PRKCA: variants seen among roughly 807,000 people sequenced by gnomAD.
PRKCA encodes protein kinase C alpha, also known as protein kinase C alpha type.
Under a neutral mutation model 87.0 loss-of-function variants are expected in PRKCA, and 27 were observed. The observed-to-expected ratio is 0.31, with a 90% confidence interval of 0.23 to 0.43. The LOEUF is 0.43. Among genes scored for constraint, PRKCA ranks in the 20% least tolerant of loss-of-function variants. The probability of loss-of-function intolerance (pLI) is 1.00; values close to 1 mark genes in which losing one functional copy is unlikely to be tolerated. For synonymous variants in PRKCA, 329 were observed against 311.1 expected, an observed-to-expected ratio of 1.06 and a Z score of -0.61; for missense variants, 518 against 852.3, an observed-to-expected ratio of 0.61 and a Z score of 4.88.
intron 2 of PRKCA, among the ~76,000 whole-genome samples, chr17:66,357,340 T>G (rs1412012980): frequency 6.6e-6 from 1 of 152,142 alleles, no homozygotes; most frequent in Admixed American, 6.5e-5. Context: ...TTATACTTTT[T>G]AATGGCAATG....
At chr17:66,700,196 A>G (rs1327926775) in intron 8 of PRKCA, among the ~76,000 whole-genome samples, 2 of 152,258 alleles carry the variant, frequency 1.3e-5, no homozygotes, top group Non-Finnish European at 2.9e-5. Flanking sequence ...AGAACGAAGG[A>G]TAAAAATTGT....
At chr17:66,305,782 T>C (rs1904782104) in intron 1 of PRKCA, among the ~76,000 whole-genome samples, 1 of 152,238 alleles carries the variant, frequency 6.6e-6, no homozygotes, top group African/African-American at 2.4e-5. Context: ...TATTGTGTTG[T>C]AGCCAACAAG....
chr17:66,695,763 C>T (rs1972902598), intron 8 of PRKCA, among the ~76,000 whole-genome samples: 1 of 152,164 alleles, frequency 6.6e-6, no homozygotes, highest in Non-Finnish European at 1.5e-5. Flanking sequence ...AGCTAAGAGG[C>T]AGCACACCTG....
intron 3 of PRKCA, among the ~76,000 whole-genome samples, chr17:66,627,797 A>T (rs1183797410): frequency 6.6e-6 from 1 of 152,148 alleles, no homozygotes; most frequent in East Asian, 1.9e-4. Flanking sequence ...CATGGTTGGA[A>T]ATTCAGTATC....
chr17:66,415,448 C>T (rs1009831772), intron 2 of PRKCA: 3 of 152,160 alleles, frequency 2.0e-5, no homozygotes, highest in Admixed American at 6.6e-5. Context: ...CCTACACTTG[C>T]TCAGCTGTAA....
At chr17:66,682,750 G>A (rs1202444597) in intron 5 of PRKCA, among the ~76,000 whole-genome samples, 1 of 152,146 alleles carries the variant, frequency 6.6e-6, no homozygotes, top group Non-Finnish European at 1.5e-5. Context: ...AATTCTGTGG[G>A]TCAAAACAAT....
In PRKCA at chr17:66,566,479, G is replaced by GTTTTTTTTTTTTTTTT. The variant is rs368602635; in HGVS notation, c.288+70196_288+70197insTTTTTTTTTTTTTTTT. On this transcript the variant is annotated intron_variant, in intron 3 of 16. Transcript: ENST00000413366. Reference sequence around the variant, plus strand: ...TTGTGAAGAACTGTTGTTGTTTTTTGGTTTTTTTTTTTTTTTTTTTTTTGC... The same window carrying GTTTTTTTTTTTTTTTT: ...TTGTGAAGAACTGTTGTTGTTTTTTGTTTTTTTTTTTTTTTTGTTTTTTTTTTTTTTTTTTTTTTGC... Among the ~76,000 whole-genome samples the GTTTTTTTTTTTTTTTT allele has an allele frequency of 4.0e-5, 3 of 74,702 alleles. 1 individual carries two copies. Among genetic ancestry groups the GTTTTTTTTTTTTTTTT allele is most frequent in the Non-Finnish European group, 5.6e-5 (2 of 35,996 alleles). 49.0% of individuals were successfully genotyped at this position (74,702 alleles called of 152,430 possible). A position where few individuals can be genotyped will look rare whatever the true frequency, so the allele number is the denominator to read the frequency against.
chr17:66,413,922 G>C (rs149362240), intron 2 of PRKCA, among the ~76,000 whole-genome samples: 1 of 151,762 alleles, frequency 6.6e-6, no homozygotes, highest in African/African-American at 2.4e-5. Context: ...GCTGAGGCAG[G>C]AGAATCGCTT....
At position 66,520,282 on chromosome 17, in the gene PRKCA, G is replaced by A. The variant is rs143970414; in HGVS notation, c.288+23999G>A. On this transcript the variant is annotated intron_variant, in intron 3 of 16. Transcript: ENST00000413366. ...ATTACGGGTGCCTACCACCATGCCC[G>A]GCTAATTTTTGTACTTTTAGTAGAG... Among the ~76,000 whole-genome samples the A allele has an allele frequency of 7.0e-3, 1,062 of 151,784 alleles. 9 individuals are homozygous for A. The highest frequency in any genetic ancestry group is 0.024 in the South Asian group (115 of 4,770).
intron 2 of PRKCA, among the ~76,000 whole-genome samples, chr17:66,400,807 G>A (rs1159946073): frequency 6.6e-6 from 1 of 152,120 alleles, no homozygotes; most frequent in Non-Finnish European, 1.5e-5. Flanking sequence ...CCATCCTAAT[G>A]GGCATGAAGA....
chr17:66,399,104 T>TC (rs1555598365), intron 2 of PRKCA, among the ~76,000 whole-genome samples: 44 of 131,978 alleles, frequency 3.3e-4, no homozygotes, highest in South Asian at 5.2e-4. Context: ...TCTTTTCTTT[T>TC]TTTTTTTTTT....
intron 14 of PRKCA, 112 bp downstream of exon 14, chr17:66,774,179 G>C: frequency 1.3e-6 from 2 of 1,579,740 alleles, no homozygotes; most frequent in South Asian, 2.3e-5. Flanking sequence ...TGGTGTTGGC[G>C]TGACTTCCCT....
At chr17:66,369,330 G>A (rs1351992623) in intron 2 of PRKCA, among the ~76,000 whole-genome samples, 4 of 152,116 alleles carry the variant, frequency 2.6e-5, no homozygotes, top group African/African-American at 7.2e-5. Context: ...GAAGATTGCT[G>A]TCTGGTTCCA....
At chr17:66,416,803 G>A (rs62070391) in intron 2 of PRKCA, 6,395 of 152,218 alleles carry the variant, frequency 0.042, 194 homozygotes, top group Admixed American at 0.076. Flanking sequence ...TGCACACCCC[G>A]GGTGCCAGAA....
chr17:66,350,468 T>C (rs1008680395), intron 2 of PRKCA, among the ~76,000 whole-genome samples: 3 of 152,158 alleles, frequency 2.0e-5, no homozygotes, highest in African/African-American at 7.2e-5. Context: ...TCTAAAATTA[T>C]GTTATTTTCC....
intron 2 of PRKCA, among the ~76,000 whole-genome samples, chr17:66,330,914 T>C (rs548507729): frequency 4.7e-4 from 71 of 152,316 alleles, no homozygotes; most frequent in African/African-American, 1.6e-3. Context: ...CTGATTCTGC[T>C]CTTGGATATA....
chr17:66,499,234 G>C (rs1389656661), intron 3 of PRKCA, among the ~76,000 whole-genome samples: 1 of 152,114 alleles, frequency 6.6e-6, no homozygotes, highest in East Asian at 1.9e-4. Context: ...TCTCAGGAGA[G>C]AGCTCTAAGG....
chr17:66,709,259 C>T (rs79818282), intron 8 of PRKCA, among the ~76,000 whole-genome samples: 2,388 of 150,560 alleles, frequency 0.016, 31 homozygotes, highest in Non-Finnish European at 0.024. Context: ...AGAAGTCTCA[C>T]CTTCATGAAT....
At chr17:66,552,780 A>G (rs1968379327) in intron 3 of PRKCA, among the ~76,000 whole-genome samples, 1 of 152,010 alleles carries the variant, frequency 6.6e-6, no homozygotes, top group Non-Finnish European at 1.5e-5. Flanking sequence ...ACTCAAGGAG[A>G]GACTACACAA....
Sources: gnomAD v4.1 joint callset for allele counts (sites outside exome capture counted in the v4.1 genomes callset) on GRCh38, gnomAD v4.1.1 for gene constraint, MANE v1.5 for transcripts, NCBI Gene and HGNC (gene_info 2026-07-23, HGNC 2026-07-21) for gene names.